CPD: variants seen among roughly 807,000 people sequenced by gnomAD.
CPD encodes the protein carboxypeptidase D, also known as metallocarboxypeptidase D.
In CPD, 69 loss-of-function variants were observed where a neutral mutation model predicts 138.3. The ratio of observed to expected loss-of-function variants is 0.50; its 90% CI spans 0.41 to 0.61. The LOEUF (loss-of-function observed/expected upper bound fraction) is 0.61, where lower values mean the gene tolerates loss of function less well. Ranked by LOEUF, CPD falls within the 20% of genes least tolerant of loss-of-function variation. CPD has a pLI of 0.00. For missense variants in CPD, 1,432 were observed against 1,733.3 expected (o/e 0.83, Z 3.09); for synonymous variants, 651 against 642.1 (o/e 1.01, Z -0.21).
At chr17:30,380,640 G>A (rs1911015420) in intron 1 of CPD, 1 of 1,513,068 alleles carries the variant, frequency 6.6e-7, no homozygotes, top group South Asian at 1.2e-5. Context: ...AAATATTTAT[G>A]AGGTATGTTG....
At chr17:30,456,414 T>A in intron 16 of CPD, 48 bp from the exon 17 acceptor site, 1 of 1,610,970 alleles carries the variant, frequency 6.2e-7, no homozygotes, top group Non-Finnish European at 8.5e-7. Context: ...GGGAAAGGAG[T>A]TTCACCTTAA....
At chr17:30,417,092 C>G (rs961326556) in intron 2 of CPD, among the ~76,000 whole-genome samples, 1 of 149,526 alleles carries the variant, frequency 6.7e-6, no homozygotes, top group Non-Finnish European at 1.5e-5. Flanking sequence ...CAGAGTGAGA[C>G]TCAGTCTCCA....
chr17:30,449,542 G>A lies in CPD; in HGVS notation c.2874-11G>A. 6.4e-7 allele frequency: 1 copy of A among 1,564,446 alleles called. No homozygotes were observed. Among genetic ancestry groups the A allele is most frequent in the Non-Finnish European group, 8.6e-7 (1 of 1,165,738 alleles). On this transcript the variant is annotated splice_polypyrimidine_tract_variant and intron_variant, in intron 12 of 20. Coordinates refer to ENST00000225719, the MANE Select transcript of CPD (RefSeq NM_001304.5). ...TTACTTGCTGATTTTTTTGTTTCTGGTTTTTGAAAGTTTGGGACAGAGCAC... is the reference window on the plus strand; with the variant it reads ...TTACTTGCTGATTTTTTTGTTTCTGATTTTTGAAAGTTTGGGACAGAGCAC...
At chr17:30,394,232 A>C (rs1455730538) in intron 2 of CPD, among the ~76,000 whole-genome samples, 1 of 146,256 alleles carries the variant, frequency 6.8e-6, no homozygotes, top group Admixed American at 7.1e-5. Flanking sequence ...ACTTCTTAGC[A>C]TGGGAGCGAA....
rs1225635158 is a variant in CPD, at chr17:30,467,449, T to C, written c.*2635T>C. ...AGAAAGACCCTTCAGTTTTGATGCA[T>C]TTTGCTGAACACTTGGGTAGTGAGT... On this transcript the variant is annotated 3_prime_UTR_variant, in exon 21 of 21. Transcript: ENST00000225719. 1 of 152,190 alleles carries C rather than the reference T, an allele frequency of 6.6e-6. No individual in the cohort carries two copies. Among genetic ancestry groups the C allele is most frequent in the Non-Finnish European group, 1.5e-5 (1 of 68,020 alleles). 9.4% of individuals were successfully genotyped at this position (152,190 alleles called of 1,614,324 possible).
intron 14 of CPD, 122 bp from the exon 15 acceptor site, chr17:30,455,217 A>G: frequency 1.2e-6 from 1 of 826,726 alleles, no homozygotes; most frequent in East Asian, 2.7e-5. Context: ...GGAGAAATAA[A>G]ATATTTATCT....
intron 6 of CPD, 77 bp downstream of exon 6, chr17:30,423,774 C>G (rs1912330951): frequency 1.7e-6 from 2 of 1,160,434 alleles, no homozygotes; most frequent in African/African-American, 1.6e-5. Flanking sequence ...AGAATTTGAA[C>G]TGGTTCTTTT....
At chr17:30,440,286 T>G (rs1287408372) in intron 9 of CPD, among the ~76,000 whole-genome samples, 5 of 105,396 alleles carry the variant, frequency 4.7e-5, no homozygotes, top group Non-Finnish European at 9.7e-5. Flanking sequence ...TTTGTTGGAG[T>G]TCATTGTAGA....
intron 2 of CPD, among the ~76,000 whole-genome samples, chr17:30,397,735 C>G (rs957873167): frequency 1.2e-5 from 1 of 81,388 alleles, no homozygotes; most frequent in African/African-American, 6.1e-5. Flanking sequence ...AGACTCCTGT[C>G]TCAAAAAAAA....
rs770489646 is a variant in CPD, at chr17:30,379,128, G to T, written c.148G>T (p.Ala50Ser). ...TTTTTSAGAE[A>S]AEGQFDRYYH... ...CACAACTACGAGCGCGGGCGCCGAGGCGGCCGAGGGCCAGTTCGACCGCTA... is the reference window on the plus strand; with the variant it reads ...CACAACTACGAGCGCGGGCGCCGAGTCGGCCGAGGGCCAGTTCGACCGCTA... The change falls in exon 1 of 21, where the codon GCG (alanine) becomes TCG (serine). Residue 50 changes from alanine to serine, a missense_variant. Ala to Ser is a moderately conservative substitution (Grantham distance 99). Around this residue, in one of 6 missense-constraint regions of CPD, gnomAD observed 484 missense variants for 477.2 expected, o/e 1.01. Transcript: ENST00000225719. The surrounding 1 kb of genome is among the most constrained non-coding windows in gnomAD (Gnocchi z 7.0). The T allele has an allele frequency of 6.5e-7, 1 of 1,539,184 alleles. No individual in the cohort carries two copies. Among genetic ancestry groups the T allele is most frequent in the Admixed American group, 1.9e-5 (1 of 51,284 alleles).
Position 30,379,325 on chromosome 17 carries a change from C to G in CPD, c.345C>G (p.Asp115Glu), listed in dbSNP as rs189835367. ...TCCCTGAGGGCGACGCGGGGCCTGA[C>G]GCTGCCGGGCCCGACGCTGCGGGGC... is the stretch of plus-strand genomic sequence containing the variant. ...SLIPEGDAGP[D>E]AAGPDAAGPL... is the part of the protein sequence containing the mutation. The change falls in exon 1 of 21, where the codon GAC becomes GAG. Residue 115 changes from aspartate (D) to glutamate (E), a missense_variant. Coordinates refer to ENST00000225719, the MANE Select transcript of CPD (RefSeq NM_001304.5). This position sits in a 1 kb window ranked among gnomAD's most constrained non-coding sequence, Gnocchi z 7.0. The G allele has an allele frequency of 2.7e-6, 4 of 1,490,476 alleles. No individual in the cohort carries two copies. The highest frequency in any genetic ancestry group is 3.5e-6 in the Non-Finnish European group (4 of 1,128,170). 92.3% of individuals were successfully genotyped at this position (1,490,476 alleles called of 1,614,324 possible). A position where few individuals can be genotyped will look rare whatever the true frequency, so the allele number is the denominator to read the frequency against.
rs192528419 is a variant in CPD at position 30,391,790 on chromosome 17, G to T, written c.994+6554G>T. Among the ~76,000 whole-genome samples the T allele has an allele frequency of 7.2e-5, 11 of 152,148 alleles. 1 individual carries two copies. Among genetic ancestry groups the T allele is most frequent in the Admixed American group, 3.9e-4 (6 of 15,282 alleles). On this transcript the variant is annotated intron_variant, in intron 2 of 20. Coordinates refer to ENST00000225719, the MANE Select transcript of CPD (RefSeq NM_001304.5). ...GATTAGGAGGCTCAAGTGAGAATGTGTGTAAAGCACTTTAGCCTAGCATCT... is the reference window on the plus strand; with the variant it reads ...GATTAGGAGGCTCAAGTGAGAATGTTTGTAAAGCACTTTAGCCTAGCATCT...
intron 2 of CPD, among the ~76,000 whole-genome samples, chr17:30,412,673 G>T (rs994211048): frequency 6.6e-6 from 1 of 152,166 alleles, no homozygotes; most frequent in Non-Finnish European, 1.5e-5. Context: ...GTGGGTGTGG[G>T]ACCCACCGAG....
intron 2 of CPD, among the ~76,000 whole-genome samples, chr17:30,411,671 C>T (rs1371097034): frequency 1.3e-5 from 2 of 152,138 alleles, no homozygotes; most frequent in Non-Finnish European, 2.9e-5. Context: ...CTTGTGCATG[C>T]GTCATGAAGT....
chr17:30,436,877 A>G (rs949844977), intron 8 of CPD, among the ~76,000 whole-genome samples: 39 of 152,346 alleles, frequency 2.6e-4, no homozygotes, highest in African/African-American at 8.4e-4. Flanking sequence ...ATGTCCATCA[A>G]CTGATGAATG....
intron 2 of CPD, among the ~76,000 whole-genome samples, chr17:30,403,170 G>A (rs1278046289): frequency 6.6e-6 from 1 of 152,198 alleles, no homozygotes; most frequent in Non-Finnish European, 1.5e-5. Flanking sequence ...GAATGACCCA[G>A]TTAGGTTCAG....
In CPD at chr17:30,461,323, C is replaced by A; in HGVS notation, c.3630+12C>A. The A allele has an allele frequency of 6.5e-7, 1 of 1,546,744 alleles. No homozygotes were observed. The highest frequency in any genetic ancestry group is 8.7e-7 in the Non-Finnish European group (1 of 1,148,536). ...GTATGTTAGTGGAGGTGAGTCTTTT[C>A]CTTTTAACTAGAGGCAAACTCCCAG... On this transcript the variant is annotated intron_variant, in intron 18 of 20. Transcript: ENST00000225719.
chr17:30,444,111 T>G, intron 11 of CPD, 140 bp downstream of exon 11: 2 of 712,854 alleles, frequency 2.8e-6, no homozygotes, highest in East Asian at 2.6e-5. Context: ...TGGTTATACC[T>G]TTGACTCTCC....
At chr17:30,458,143 G>A (rs964787899) in intron 17 of CPD, among the ~76,000 whole-genome samples, 10 of 152,006 alleles carry the variant, frequency 6.6e-5, no homozygotes, top group African/African-American at 1.7e-4. Context: ...TCAGTGAGCC[G>A]AGATTACACC....
Sources: allele counts gnomAD v4.1 joint callset (sites outside exome capture counted in the v4.1 genomes callset), GRCh38; gene constraint gnomAD v4.1.1; regional missense constraint gnomAD v4.1.1; non-coding constraint Gnocchi (gnomAD v3.1); transcripts MANE v1.5; gene names NCBI Gene and HGNC (gene_info 2026-07-23, HGNC 2026-07-21).